The following KCNN2 variants were observed in gnomAD, a reference collection of about 807,000 sequenced individuals.
The protein encoded by KCNN2 is potassium calcium-activated channel subfamily N member 2.
KCNN2 carries 24 observed loss-of-function variants against 55.5 expected under a neutral mutation model. The observed-to-expected ratio is 0.43, with a 90% CI of 0.31 to 0.61. The LOEUF is 0.61. KCNN2 is among the 20% of genes least tolerant of loss of function. The pLI, the probability that KCNN2 is intolerant of heterozygous loss-of-function variation, is 0.08. For missense variants in KCNN2, 754 were observed against 853.6 expected (o/e 0.88, Z 1.45); for synonymous variants, 431 against 336.1 (o/e 1.28, Z -3.09).
At chr5:114,432,225 C>T (rs1580826602) in intron 3 of KCNN2, among the ~76,000 whole-genome samples, 1 of 152,190 alleles carries the variant, frequency 6.6e-6, no homozygotes, top group Admixed American at 6.5e-5. Flanking sequence ...GTTCTATCAG[C>T]TTTTGCTTTA....
At chr5:114,081,393 A>G (rs1193274159) in intron 1 of KCNN2, among the ~76,000 whole-genome samples, 5 of 152,200 alleles carry the variant, frequency 3.3e-5, no homozygotes, top group Admixed American at 2.6e-4. Flanking sequence ...AAGACTTATT[A>G]CAAAGCTGTA....
At chr5:114,199,610 ATATT>A (rs941423294) in intron 1 of KCNN2, among the ~76,000 whole-genome samples, 63 of 80,916 alleles carry the variant, frequency 7.8e-4, no homozygotes, top group African/African-American at 2.4e-3. Context: ...TTTGGGTTTT[ATATT>A]TTTTTTTATG....
At chr5:114,275,067 C>A (rs889295933) in intron 2 of KCNN2, among the ~76,000 whole-genome samples, 11 of 152,112 alleles carry the variant, frequency 7.2e-5, no homozygotes, top group Non-Finnish European at 1.6e-4. Context: ...TTGTCAAAGG[C>A]CTTATCTCCA....
chr5:114,399,563 T>C (rs1758720291), intron 2 of KCNN2, among the ~76,000 whole-genome samples: 1 of 152,186 alleles, frequency 6.6e-6, no homozygotes. Flanking sequence ...AGTTTTATTT[T>C]TTTGTTGTGT....
At chr5:114,388,527 A>G (rs1335737630) in intron 2 of KCNN2, among the ~76,000 whole-genome samples, 3 of 152,132 alleles carry the variant, frequency 2.0e-5, no homozygotes, top group Non-Finnish European at 4.4e-5. Flanking sequence ...CTCCAAATTA[A>G]TCATATGGTT....
At chr5:114,445,951 A>G (rs770407973) in intron 3 of KCNN2, among the ~76,000 whole-genome samples, 2 of 152,216 alleles carry the variant, frequency 1.3e-5, no homozygotes, top group South Asian at 2.1e-4. Context: ...AGTGACCAGC[A>G]TAGGCTTAAT....
At position 114,442,447 on chromosome 5, in the gene KCNN2, A is replaced by G. The variant is rs1760253329; in HGVS notation, c.1638-20602A>G. Among the ~76,000 whole-genome samples, 2 of 152,140 alleles carry G rather than the reference A, an allele frequency of 1.3e-5. 1 individual carries two copies. The highest frequency in any genetic ancestry group is 4.1e-4 in the South Asian group (2 of 4,828). ...CCTGGTTATAGGGGCTGAAATCATCAGGAATTTACCTATGTGGGGTGAACT... is the reference window on the plus strand; with the variant it reads ...CCTGGTTATAGGGGCTGAAATCATCGGGAATTTACCTATGTGGGGTGAACT... On this transcript the variant is annotated intron_variant, in intron 3 of 7. Transcript: ENST00000673685.
At chr5:114,065,846 G>GGTTTTTTT (rs1750434865) in intron 1 of KCNN2, among the ~76,000 whole-genome samples, 1 of 45,196 alleles carries the variant, frequency 2.2e-5, no homozygotes, top group African/African-American at 8.5e-5. Flanking sequence ...TCCTATGCAG[G>GGTTTTTTT]TTTTTTTTTT....
chr5:114,375,739 G>A (rs1437322577), intron 2 of KCNN2, among the ~76,000 whole-genome samples: 1 of 151,800 alleles, frequency 6.6e-6, no homozygotes, highest in African/African-American at 2.4e-5. Context: ...CAGCATCAAA[G>A]AGGATATTTG....
At chr5:114,330,775 A>AT (rs1327643084) in intron 2 of KCNN2, among the ~76,000 whole-genome samples, 1 of 152,186 alleles carries the variant, frequency 6.6e-6, no homozygotes, top group Non-Finnish European at 1.5e-5. Flanking sequence ...GGCACATACC[A>AT]TGCTGAAGGA....
At chr5:114,189,796 C>G (rs1032887093) in intron 1 of KCNN2, among the ~76,000 whole-genome samples, 1 of 152,116 alleles carries the variant, frequency 6.6e-6, no homozygotes, top group Non-Finnish European at 1.5e-5. Context: ...AAGATACGCA[C>G]ACATACATGG....
Position 114,224,462 on chromosome 5 carries a change from A to T in KCNN2, c.-185+2897A>T, listed in dbSNP as rs150341992. ...CCACAAGTCTTTTAAGATAGCTTAA[A>T]TATATTTTTTAGATTCTAAATCTTA... is the stretch of plus-strand genomic sequence containing the variant. On this transcript the variant is annotated intron_variant, in intron 2 of 10. Coordinates refer to the KCNN2 transcript ENST00000512097. Among the ~76,000 whole-genome samples the T allele has an allele frequency of 1.1e-4, 16 of 152,354 alleles. No individual in the cohort carries two copies. The East Asian group carries it at 2.7e-3, about 26-fold the overall frequency.
intron 2 of KCNN2, among the ~76,000 whole-genome samples, chr5:114,246,752 CA>C (rs779381781): frequency 6.6e-6 from 1 of 151,798 alleles, no homozygotes; most frequent in Non-Finnish European, 1.5e-5. Context: ...ATGAATAAGA[CA>C]ATATTATTCT....
chr5:114,059,237 A>G (rs991288568), intron 1 of KCNN2, among the ~76,000 whole-genome samples: 2 of 152,204 alleles, frequency 1.3e-5, no homozygotes, highest in Admixed American at 6.5e-5. Context: ...AACTGCAAGG[A>G]TAGTGGTGCT....
chr5:114,110,977 A>G (rs116251217), intron 1 of KCNN2, among the ~76,000 whole-genome samples: 34 of 152,262 alleles, frequency 2.2e-4, no homozygotes, highest in Non-Finnish European at 7.4e-5. Flanking sequence ...GGAAACAATT[A>G]CTCTAAAGTT....
chr5:114,225,813 G>A (rs575520818), intron 2 of KCNN2, among the ~76,000 whole-genome samples: 2 of 152,308 alleles, frequency 1.3e-5, no homozygotes, highest in South Asian at 4.1e-4. Flanking sequence ...TAGCATTTAA[G>A]TATGAATATA....
chr5:114,237,183 G>A (rs535493287), intron 2 of KCNN2, among the ~76,000 whole-genome samples: 45 of 151,072 alleles, frequency 3.0e-4, no homozygotes, highest in Non-Finnish European at 4.3e-4. Context: ...AGTACGACAA[G>A]CAATTGTTGC....
Position 114,123,476 on chromosome 5 carries a change from T to C in KCNN2, c.-271+66976T>C, listed in dbSNP as rs1006077461. Among the ~76,000 whole-genome samples the C allele has an allele frequency of 9.7e-5, 11 of 113,838 alleles. 1 individual carries two copies. The highest frequency in any genetic ancestry group is 8.0e-4 in the South Asian group (3 of 3,730). 74.7% of individuals were successfully genotyped at this position (113,838 alleles called of 152,430 possible). A position where few individuals can be genotyped will look rare whatever the true frequency, so the allele number is the denominator to read the frequency against. On this transcript the variant is annotated intron_variant, in intron 1 of 10. Transcript: ENST00000512097. ...CTCCCGGGTTCACGCCATTCTCCTG[T>C]CTCAGCCTCCCGCGTAGCTGGGACT... is the stretch of plus-strand genomic sequence containing the variant.
At chr5:114,477,907 A>G (rs1255682493) in intron 5 of KCNN2, among the ~76,000 whole-genome samples, 1 of 152,238 alleles carries the variant, frequency 6.6e-6, no homozygotes, top group African/African-American at 2.4e-5. Flanking sequence ...ACTATTATGC[A>G]GTTATATAAT....
Sources: allele counts gnomAD v4.1 joint callset (sites outside exome capture counted in the v4.1 genomes callset), GRCh38; gene constraint gnomAD v4.1.1; transcripts MANE v1.5; gene names NCBI Gene and HGNC (gene_info 2026-07-23, HGNC 2026-07-21).